Variants in SLC13A1 observed in about 807,000 individuals in gnomAD.
The protein encoded by SLC13A1 is solute carrier family 13 member 1.
In SLC13A1, 65 loss-of-function variants were observed where a neutral mutation model predicts 70.0. The ratio of observed to expected loss-of-function variants is 0.93; its 90% CI spans 0.76 to 1.14. SLC13A1 has a LOEUF of 1.14. Ranked by LOEUF, SLC13A1 falls within the 50% of genes most tolerant of loss-of-function variation. The probability of loss-of-function intolerance (pLI) is 0.00; values close to 1 mark genes in which losing one functional copy is unlikely to be tolerated. For synonymous variants in SLC13A1, 275 were observed against 250.5 expected (o/e 1.10, Z -0.92); for missense variants, 726 against 717.8 (o/e 1.01, Z -0.13).
intron 6 of SLC13A1, among the ~76,000 whole-genome samples, chr7:123,161,441 C>T (rs1227622240): frequency 6.6e-6 from 1 of 151,970 alleles, no homozygotes; most frequent in African/African-American, 2.4e-5. Flanking sequence ...TTTAAAAATG[C>T]AATTGTTTGA....
At chr7:123,120,140 C>A (rs1395188526) in intron 12 of SLC13A1, among the ~76,000 whole-genome samples, 1 of 151,990 alleles carries the variant, frequency 6.6e-6, no homozygotes, top group Non-Finnish European at 1.5e-5. Flanking sequence ...TAAATCTATT[C>A]AACTGTTGTT....
intron 11 of SLC13A1, 48 bp downstream of exon 11, chr7:123,125,521 T>C: frequency 7.3e-7 from 1 of 1,369,108 alleles, no homozygotes; most frequent in Non-Finnish European, 1.0e-6. Context: ...AATTTTGTAA[T>C]TTTTGCTCTT....
At position 123,154,569 on chromosome 7, in the gene SLC13A1, A is replaced by G. The variant is rs140749257; in HGVS notation, c.661-7259T>C. Among the ~76,000 whole-genome samples the G allele has an allele frequency of 3.0e-4, 46 of 152,230 alleles. 1 individual carries two copies. Among genetic ancestry groups the G allele is most frequent in the African/African-American group, 1.0e-3 (43 of 41,572 alleles). On this transcript the variant is annotated intron_variant, in intron 6 of 14. Transcript: ENST00000194130. Reference sequence around the variant, plus strand: ...TTATAGTACAGACTTCACATTTTCAATATGTTGCCTAGAGCTCTATTAACA... The same window carrying G: ...TTATAGTACAGACTTCACATTTTCAGTATGTTGCCTAGAGCTCTATTAACA...
intron 1 of SLC13A1, among the ~76,000 whole-genome samples, chr7:123,198,704 G>A (rs1796260512): frequency 6.6e-6 from 1 of 152,052 alleles, no homozygotes; most frequent in Non-Finnish European, 1.5e-5. Context: ...GGCAGAGGCT[G>A]GAGGGACCAC....
chr7:123,183,001 C>T (rs530829036), intron 1 of SLC13A1, among the ~76,000 whole-genome samples: 66 of 152,224 alleles, frequency 4.3e-4, no homozygotes, highest in African/African-American at 1.5e-3. Flanking sequence ...CTTCTTTACA[C>T]ACTTCCTTGA....
At chr7:123,173,288 A>G (rs548853573) in intron 2 of SLC13A1, among the ~76,000 whole-genome samples, 1 of 152,290 alleles carries the variant, frequency 6.6e-6, no homozygotes, top group Non-Finnish European at 1.5e-5. Flanking sequence ...ATTGATAATT[A>G]CCCTTGAAAT....
At position 123,166,494 on chromosome 7, in the gene SLC13A1, G is replaced by T. The variant is rs553888662; in HGVS notation, c.660+1880C>A. 7.9e-5 allele frequency among the ~76,000 whole-genome samples: 12 copies of T among 152,086 alleles called. No homozygotes were observed. In the South Asian group the frequency reaches 8.3e-4, roughly 11 times the overall value. On this transcript the variant is annotated intron_variant, in intron 6 of 14. Coordinates refer to ENST00000194130, the MANE Select transcript of SLC13A1 (RefSeq NM_022444.4). Reference sequence around the variant, plus strand: ...GTGCCATGTTGGTGTGCTGAACCCAGTAACTTGTCATTTAACATTAGGTAT... The same window carrying T: ...GTGCCATGTTGGTGTGCTGAACCCATTAACTTGTCATTTAACATTAGGTAT...
chr7:123,185,199 GAATAGTTTGCA>G (rs201735888), intron 1 of SLC13A1, among the ~76,000 whole-genome samples: 2,003 of 152,128 alleles, frequency 0.013, 23 homozygotes, highest in Non-Finnish European at 0.017. Flanking sequence ...CTTATCAGAT[GAATAGTTTGCA>G]AATATTTTAT....
At position 123,199,938 on chromosome 7, in the gene SLC13A1, G is replaced by C. The variant is rs761472523; in HGVS notation, c.9C>G (p.Phe3Leu). Residue 3 changes from phenylalanine to leucine, a missense_variant, in exon 1 of 15, where the codon TTC becomes TTG. Physicochemically the swap from Phe to Leu is conservative, Grantham distance 22. Transcript: ENST00000194130. The stretch of plus-strand genomic sequence containing the variant: ...GGCGATAAACCAGAATGTAACTGAA[G>C]AATTTCATTGTCCTGAGCAGGTGGC... MKFFSYILVYRRF... is the reference protein window; with the variant it reads MKLFSYILVYRRF... 1.2e-6 allele frequency: 2 copies of C among 1,611,872 alleles called. No individual in the cohort carries two copies. Among genetic ancestry groups the C allele is most frequent in the East Asian group, 4.5e-5 (2 of 44,830 alleles).
intron 7 of SLC13A1, 68 bp from the exon 8 acceptor site, chr7:123,134,597 G>A (rs754448787): frequency 1.1e-4 from 157 of 1,466,194 alleles, no homozygotes; most frequent in Non-Finnish European, 1.4e-4. Flanking sequence ...ATTGTCACAG[G>A]GAAGCAGCAG....
Position 123,189,075 on chromosome 7 carries a change from A to G in SLC13A1, c.100-7974T>C, listed in dbSNP as rs543071373. On this transcript the variant is annotated intron_variant, in intron 1 of 14. Transcript: ENST00000194130. ...GCTTGCAGTGAGCCGAGATCCCGCC[A>G]CTGCACTCCAGCCTGGGCGACAGAG... Among the ~76,000 whole-genome samples the G allele has an allele frequency of 6.0e-4, 79 of 132,740 alleles. 2 individuals carry two copies. The East Asian group carries it at 0.017, about 28-fold the overall frequency. The allele number at this position is 132,740 out of a possible 152,430, so 87.1% of individuals were successfully genotyped here.
Position 123,115,350 on chromosome 7 carries a change from A to C in SLC13A1, c.*168T>G. ...CTCTTTAGTTGCACTGCAATAACAA[A>C]TATGGACTCTGAGTTATAACAGCAG... On this transcript the variant is annotated 3_prime_UTR_variant, in exon 15 of 15. Coordinates refer to ENST00000194130, the MANE Select transcript of SLC13A1 (RefSeq NM_022444.4). The C allele has an allele frequency of 1.7e-6, 1 of 579,412 alleles. No individual in the cohort carries two copies. The highest frequency in any genetic ancestry group is 2.9e-6 in the Non-Finnish European group (1 of 343,530). The allele number at this position is 579,412 out of a possible 1,614,324, so 35.9% of individuals were successfully genotyped here. A position where few individuals can be genotyped will look rare whatever the true frequency, so the allele number is the denominator to read the frequency against.
chr7:123,163,495 T>A (rs955028433), intron 6 of SLC13A1, among the ~76,000 whole-genome samples: 5 of 152,080 alleles, frequency 3.3e-5, no homozygotes, highest in Admixed American at 2.0e-4. Flanking sequence ...TAAAATAAGG[T>A]CCTGGACTAC....
intron 2 of SLC13A1, among the ~76,000 whole-genome samples, chr7:123,178,033 C>CTCTCTCTCTCTCTCTATATATATATA (rs761704605): frequency 1.7e-4 from 26 of 149,948 alleles, no homozygotes; most frequent in African/African-American, 6.2e-4. Context: ...CTCTCTCTCT[C>CTCTCTCTCTCTCTCTATATATATATA]TATATATATA....
Position 123,171,764 on chromosome 7 carries a change from T to A in SLC13A1, c.365+4A>T, listed in dbSNP as rs762794469. The A allele has an allele frequency of 1.2e-6, 2 of 1,613,702 alleles. No homozygotes were observed. The highest frequency in any genetic ancestry group is 1.7e-6 in the Non-Finnish European group (2 of 1,179,814). ...AAACTGGAAGCAGTAAATGCAGTAC[T>A]TACCATGCAGGATTTACACCAACCA... On this transcript the variant is annotated splice_donor_region_variant and intron_variant, in intron 3 of 14. Coordinates refer to ENST00000194130, the MANE Select transcript of SLC13A1 (RefSeq NM_022444.4).
At chr7:123,199,564 A>T (rs1458861739) in intron 1 of SLC13A1, among the ~76,000 whole-genome samples, 1 of 152,056 alleles carries the variant, frequency 6.6e-6, no homozygotes, top group Non-Finnish European at 1.5e-5. Context: ...AAAATCTCAA[A>T]GGTTGTGCTT....
At chr7:123,140,192 T>C (rs1794086973) in intron 7 of SLC13A1, among the ~76,000 whole-genome samples, 1 of 152,102 alleles carries the variant, frequency 6.6e-6, no homozygotes, top group Admixed American at 6.5e-5. Flanking sequence ...AATGATCATA[T>C]AGTTTTGGTC....
chr7:123,166,850 A>G (rs996048987), intron 6 of SLC13A1, among the ~76,000 whole-genome samples: 1 of 152,188 alleles, frequency 6.6e-6, no homozygotes, highest in Non-Finnish European at 1.5e-5. Flanking sequence ...CGCAATAAAC[A>G]TACGTGTGCA....
intron 7 of SLC13A1, among the ~76,000 whole-genome samples, chr7:123,140,543 G>A (rs949922831): frequency 6.6e-6 from 1 of 152,026 alleles, no homozygotes; most frequent in African/African-American, 2.4e-5. Flanking sequence ...CAGCAGTGAA[G>A]CCATTGGGTC....
Sources: allele counts gnomAD v4.1 joint callset (sites outside exome capture counted in the v4.1 genomes callset), GRCh38; gene constraint gnomAD v4.1.1; transcripts MANE v1.5; gene names NCBI Gene and HGNC (gene_info 2026-07-23, HGNC 2026-07-21).